The following LCA5 variants were observed in gnomAD, a reference collection of about 807,000 sequenced individuals.
The protein encoded by LCA5 is lebercilin.
LCA5 carries 37 observed loss-of-function variants against 53.0 expected under a neutral mutation model. That is an observed-to-expected ratio of 0.70 (90% CI 0.54 to 0.92). LCA5 has a LOEUF of 0.92. Ranked by LOEUF, LCA5 falls within the 40% of genes least tolerant of loss-of-function variation. LCA5 has a pLI of 0.00. For synonymous variants in LCA5, 303 were observed against 282.9 expected (o/e 1.07, Z -0.71); for missense variants, 806 against 790.5 (o/e 1.02, Z -0.23).
At chr6:79,500,005 G>T (rs889616661) in intron 3 of LCA5, among the ~76,000 whole-genome samples, 1 of 151,372 alleles carries the variant, frequency 6.6e-6, no homozygotes, top group Admixed American at 6.6e-5. Flanking sequence ...TTTCATCCAT[G>T]TCCCTACAAA....
At chr6:79,524,472 C>T (rs542501893) in intron 1 of LCA5, among the ~76,000 whole-genome samples, 2 of 152,318 alleles carry the variant, frequency 1.3e-5, no homozygotes, top group South Asian at 4.1e-4. Context: ...GACACTGCTT[C>T]ACTGTCTTAA....
intron 1 of LCA5, among the ~76,000 whole-genome samples, chr6:79,531,743 T>C (rs1004106582): frequency 1.3e-5 from 2 of 152,116 alleles, no homozygotes; most frequent in Non-Finnish European, 2.9e-5. Flanking sequence ...CTAAAAACTC[T>C]CTTTTCTTAC....
In LCA5 at chr6:79,485,745, T is replaced by A. The variant is rs543712321; in HGVS notation, c.*1259A>T. 2 of 152,214 alleles carry A rather than the reference T, an allele frequency of 1.3e-5. No homozygotes were observed. Among genetic ancestry groups the A allele is most frequent in the Non-Finnish European group, 2.9e-5 (2 of 68,024 alleles). The allele number at this position is 152,214 out of a possible 1,614,324, so 9.4% of individuals were successfully genotyped here. ...AATTCTTGAAAAAAACAGCTCACTT[T>A]AGAATAAGTGCCAATCTAAATTTTT... On this transcript the variant is annotated 3_prime_UTR_variant, in exon 8 of 8. Coordinates refer to ENST00000369846, the MANE Select transcript of LCA5 (RefSeq NM_001122769.3).
Position 79,488,980 on chromosome 6 carries a change from C to T in LCA5, c.1231+104G>A, listed in dbSNP as rs767926036. 4 of 1,311,292 alleles carry T rather than the reference C, an allele frequency of 3.1e-6. No individual in the cohort carries two copies. The South Asian group carries it at 3.6e-5, about 12-fold the overall frequency. 81.2% of individuals were successfully genotyped at this position (1,311,292 alleles called of 1,614,324 possible). A position where few individuals can be genotyped will look rare whatever the true frequency, so the allele number is the denominator to read the frequency against. On this transcript the variant is annotated intron_variant, in intron 7 of 7. Coordinates refer to ENST00000369846, the MANE Select transcript of LCA5 (RefSeq NM_001122769.3). ...ACTGTATCCACCTTTCTTTGTTCTA[C>T]CTAAGCAATTCACAGTTAAGCTGGA...
intron 2 of LCA5, among the ~76,000 whole-genome samples, chr6:79,517,021 G>A (rs1766457933): frequency 6.6e-6 from 1 of 152,032 alleles, no homozygotes; most frequent in Admixed American, 6.6e-5. Flanking sequence ...GAAGGGGAAG[G>A]AAGAATATGC....
At chr6:79,533,336 G>A (rs1767009462) in intron 1 of LCA5, among the ~76,000 whole-genome samples, 1 of 152,020 alleles carries the variant, frequency 6.6e-6, no homozygotes, top group Admixed American at 6.6e-5. Flanking sequence ...ACAGTTGTTC[G>A]TTGCAGGAGG....
At chr6:79,524,489 A>G (rs1451765563) in intron 1 of LCA5, among the ~76,000 whole-genome samples, 1 of 152,210 alleles carries the variant, frequency 6.6e-6, no homozygotes, top group Non-Finnish European at 1.5e-5. Flanking sequence ...TTAAACCCTC[A>G]GCATTGTTTG....
intron 1 of LCA5, among the ~76,000 whole-genome samples, chr6:79,520,783 T>C (rs1766601673): frequency 6.6e-6 from 1 of 152,220 alleles, no homozygotes; most frequent in Non-Finnish European, 1.5e-5. Context: ...TATCTCTGTG[T>C]ATTGCTCATA....
At chr6:79,515,609 T>A (rs559746492) in intron 2 of LCA5, among the ~76,000 whole-genome samples, 2 of 151,974 alleles carry the variant, frequency 1.3e-5, no homozygotes, top group South Asian at 4.2e-4. Flanking sequence ...GGTAACTGCA[T>A]TTTTTTTCCA....
At position 79,529,357 on chromosome 6, in the gene LCA5, C is replaced by T. The variant is rs565917728; in HGVS notation, c.-192+7808G>A. ...CATTTTAAATGGTCCACTTTCAAGG[C>T]ATGATAAATCTAAGCACTGGCAGCC... is the stretch of plus-strand genomic sequence containing the variant. On this transcript the variant is annotated intron_variant, in intron 1 of 7. Transcript: ENST00000369846. Among the ~76,000 whole-genome samples the T allele has an allele frequency of 5.9e-5, 9 of 152,260 alleles. No homozygotes were observed. The South Asian group carries it at 1.7e-3, about 28-fold the overall frequency.
At position 79,487,342 on chromosome 6, in the gene LCA5, T is replaced by A. The variant is rs772573829; in HGVS notation, c.1756A>T (p.Lys586Ter). ...AAATCTACACCATCTTTACTAAGTT[T>A]TTCCATACTGTTTCTTTGGAAATCC... ...FLDFQRNSME[K>*]LSKDGVDLIT... Residue 586 changes from lysine to a stop codon, truncating the protein, a stop_gained, in exon 8 of 8, where the codon AAA becomes TAA. Coordinates refer to ENST00000369846, the MANE Select transcript of LCA5 (RefSeq NM_001122769.3). LOFTEE classifies it low-confidence loss of function (END_TRUNC). The A allele has an allele frequency of 3.4e-5, 55 of 1,613,778 alleles. No individual in the cohort carries two copies. The highest frequency in any genetic ancestry group is 4.4e-5 in the Non-Finnish European group (52 of 1,179,914).
At chr6:79,493,781 T>C (rs1769907333) in intron 3 of LCA5, 31 bp from the exon 4 acceptor site, 1 of 1,561,494 alleles carries the variant, frequency 6.4e-7, no homozygotes, top group Non-Finnish European at 8.7e-7. Flanking sequence ...AAAGCAGTCC[T>C]TTAAAAAAAT....
At chr6:79,503,623 T>A (rs950449068) in intron 3 of LCA5, among the ~76,000 whole-genome samples, 1 of 152,216 alleles carries the variant, frequency 6.6e-6, no homozygotes, top group African/African-American at 2.4e-5. Flanking sequence ...ATATTAGGTG[T>A]CCAGTAAGTA....
intron 3 of LCA5, among the ~76,000 whole-genome samples, chr6:79,510,107 T>G (rs912476477): frequency 6.6e-6 from 1 of 152,198 alleles, no homozygotes; most frequent in Non-Finnish European, 1.5e-5. Flanking sequence ...TTAAGGTTTA[T>G]TATGGATGCT....
At chr6:79,536,175 A>C (rs965799999) in intron 1 of LCA5, among the ~76,000 whole-genome samples, 1 of 152,252 alleles carries the variant, frequency 6.6e-6, no homozygotes, top group Non-Finnish European at 1.5e-5. Context: ...TGAAATATTT[A>C]AAATGGTAAT....
chr6:79,514,280 C>G (rs1318222332), intron 2 of LCA5, among the ~76,000 whole-genome samples: 9 of 151,992 alleles, frequency 5.9e-5, no homozygotes, highest in Non-Finnish European at 1.2e-4. Flanking sequence ...TCTGTTATGT[C>G]CTTTCCTCAC....
chr6:79,530,146 A>G (rs1179662176), intron 1 of LCA5, among the ~76,000 whole-genome samples: 6 of 152,144 alleles, frequency 3.9e-5, no homozygotes, highest in Non-Finnish European at 8.8e-5. Context: ...TGGTTAACTC[A>G]TTTATTTCTA....
At chr6:79,538,018 G>GTTTTTTTTTTTT (rs869197362), upstream of LCA5, among the ~76,000 whole-genome samples, 84 of 44,160 alleles carry the variant, frequency 1.9e-3, 17 homozygotes, top group African/African-American at 2.4e-3. Flanking sequence ...TTGCACACAA[G>GTTTTTTTTTTTT]TTTTTTTTTT....
chr6:79,538,254 A>C (rs1767219173), upstream of LCA5, among the ~76,000 whole-genome samples: 1 of 151,840 alleles, frequency 6.6e-6, no homozygotes, highest in Non-Finnish European at 1.5e-5. Flanking sequence ...TTAATTTCTC[A>C]CTGGCCTTTT....
Sources: gnomAD v4.1 joint callset for allele counts (sites outside exome capture counted in the v4.1 genomes callset) on GRCh38, gnomAD v4.1.1 for gene constraint, MANE v1.5 for transcripts, NCBI Gene and HGNC (gene_info 2026-07-23, HGNC 2026-07-21) for gene names.